The following PPP1R3F variants were observed in gnomAD, a reference collection of about 807,000 sequenced individuals.
PPP1R3F encodes protein phosphatase 1 regulatory subunit 3F.
PPP1R3F carries 29 observed loss-of-function variants against 24.2 expected under a neutral mutation model. The ratio of observed to expected loss-of-function variants is 1.20; its 90% confidence interval spans 0.89 to 1.63. The LOEUF is 1.63. Among genes scored for constraint, PPP1R3F ranks in the 40% most tolerant of loss-of-function variants. The pLI is 0.00. For missense variants in PPP1R3F, 823 were observed against 729.3 expected, an observed-to-expected ratio of 1.13 and a Z score of -1.48; for synonymous variants, 363 against 340.1, an observed-to-expected ratio of 1.07 and a Z score of -0.74.
At chrX:49,277,161 CTG>C (rs1163896757) in intron 1 of PPP1R3F, among the ~76,000 whole-genome samples, 2 of 113,162 alleles carry the variant, frequency 1.8e-5, no homozygotes, top group East Asian at 2.8e-4. Context: ...CTCGCTTACT[CTG>C]TGACTGGCGA....
chrX:49,292,626 A>G (rs889965754), downstream of PPP1R3F, among the ~76,000 whole-genome samples: 2 of 113,046 alleles, frequency 1.8e-5, no homozygotes, highest in Admixed American at 1.9e-4. Context: ...CGCCGGGTCT[A>G]GAAGCTCCAG....
chrX:49,297,187 T>TTATTTATA (rs2066325056), intron 3 of PPP1R3F, among the ~76,000 whole-genome samples: 1 of 81,873 alleles, frequency 1.2e-5, no homozygotes, highest in African/African-American at 6.8e-5. Flanking sequence ...TGCTTTATTT[T>TTATTTATA]TATTTATTTA....
In PPP1R3F at chrX:49,270,888, C is replaced by T. The variant is rs781864679; in HGVS notation, c.1004+15C>T. ...GTGAGGCGCAGGTAATGTCAGCCAG[C>T]GCCACCTCCGCCAACGCAGGGCTGT... On this transcript the variant is annotated intron_variant, in intron 1 of 3. Transcript: ENST00000055335. 4.4e-5 allele frequency: 51 copies of T among 1,154,488 alleles called. No homozygotes were observed. Among genetic ancestry groups the T allele is most frequent in the Non-Finnish European group, 5.7e-5 (49 of 866,368 alleles).
chrX:49,296,159 G>T (rs2066322204), intron 3 of PPP1R3F, among the ~76,000 whole-genome samples: 1 of 111,518 alleles, frequency 9.0e-6, no homozygotes, highest in South Asian at 3.7e-4. Context: ...GGCTTCTTTT[G>T]GTTGGTAGGT....
chrX:49,295,234 C>T (rs1263664163), intron 3 of PPP1R3F, among the ~76,000 whole-genome samples: 1 of 111,383 alleles, frequency 9.0e-6, no homozygotes, highest in Admixed American at 9.5e-5. Context: ...GCAACTGCCT[C>T]CTGGGTTCAA....
Position 49,270,219 on chromosome X carries a change from C to T in PPP1R3F, c.350C>T (p.Pro117Leu). Residue 117 changes from proline (P) to leucine (L), a missense_variant, in exon 1 of 4, where the codon CCC becomes CTC. Pro to Leu is a moderately conservative substitution (Grantham distance 98). Coordinates refer to ENST00000055335, the MANE Select transcript of PPP1R3F (RefSeq NM_033215.5). ...VPAGGGFYLVPTFSLPPAPGR... is the reference protein window; with the variant it reads ...VPAGGGFYLVLTFSLPPAPGR... Reference sequence around the variant, plus strand: ...GCTGGCGGGGGGTTTTACCTGGTCCCCACATTTTCGCTGCCGCCCGCGCCG... The same window carrying T: ...GCTGGCGGGGGGTTTTACCTGGTCCTCACATTTTCGCTGCCGCCCGCGCCG... The T allele has an allele frequency of 1.8e-6, 2 of 1,097,682 alleles. No individual in the cohort carries two copies. The highest frequency in any genetic ancestry group is 1.2e-6 in the Non-Finnish European group (1 of 848,206). 90.5% of individuals were successfully genotyped at this position (1,097,682 alleles called of 1,213,427 possible). A position where few individuals can be genotyped will look rare whatever the true frequency, so the allele number is the denominator to read the frequency against.
Position 49,270,247 on chromosome X carries a change from C to A in PPP1R3F, c.378C>A (p.Gly126=). The part of the protein sequence containing the change: ...VPTFSLPPAP[G]RLERLGRVMV... ...CATTTTCGCTGCCGCCCGCGCCGGG[C>A]CGTCTGGAGCGCTTGGGGCGCGTCA... The change falls in exon 1 of 4, where the codon GGC becomes GGA. Residue 126 remains glycine, a synonymous_variant. Coordinates refer to ENST00000055335, the MANE Select transcript of PPP1R3F (RefSeq NM_033215.5). The A allele has an allele frequency of 9.1e-7, 1 of 1,093,853 alleles. No homozygotes were observed. The allele number at this position is 1,093,853 out of a possible 1,213,427, so 90.1% of individuals were successfully genotyped here. A position where few individuals can be genotyped will look rare whatever the true frequency, so the allele number is the denominator to read the frequency against.
At chrX:49,281,279 C>A in intron 1 of PPP1R3F, 127 bp from the exon 2 acceptor site, 1 of 419,041 alleles carries the variant, frequency 2.4e-6, no homozygotes, top group Non-Finnish European at 4.0e-6. Context: ...ACAAAGGCAG[C>A]AGAAGAGAAA....
chrX:49,290,426 A>G (rs1557122223), downstream of PPP1R3F, among the ~76,000 whole-genome samples: 1 of 110,724 alleles, frequency 9.0e-6, no homozygotes, highest in Admixed American at 9.6e-5. Context: ...CCTCATTCAC[A>G]CCCACAATAG....
In PPP1R3F at chrX:49,270,377, G is replaced by C; in HGVS notation, c.508G>C (p.Val170Leu). 1.7e-6 allele frequency: 2 copies of C among 1,161,583 alleles called. No individual in the cohort carries two copies. The highest frequency in any genetic ancestry group is 1.1e-6 in the Non-Finnish European group (1 of 876,240). Residue 170 changes from valine (V) to leucine (L), a missense_variant, in exon 1 of 4, where the codon GTG becomes CTG. By Grantham distance (32) the Val-to-Leu change is conservative. Coordinates refer to ENST00000055335, the MANE Select transcript of PPP1R3F (RefSeq NM_033215.5). Reference protein sequence around the residue: ...RPPVLRGLVRVLNRSFEKAVH... With the variant: ...RPPVLRGLVRLLNRSFEKAVH... ...GCCGGTGCTGCGCGGGTTGGTACGC[G>C]TGCTGAACCGCTCCTTCGAGAAGGC...
Position 49,286,716 on chromosome X carries a change from G to A in PPP1R3F, c.2026G>A (p.Glu676Lys). The change falls in exon 4 of 4, where the codon GAG (glutamate) becomes AAG (lysine). Residue 676 changes from glutamate to lysine, a missense_variant. Transcript: ENST00000055335. ...GGAGGCCGGGACAGAAGCCCAGATA[G>A]AGGTCACCAGTGAGTGGGCAGGCAG... Reference protein sequence around the residue: ...LGEAGTEAQIEVTSEWAGSLD... With the variant: ...LGEAGTEAQIKVTSEWAGSLD... 1 of 1,208,096 alleles carries A rather than the reference G, an allele frequency of 8.3e-7. No individual in the cohort carries two copies. The highest frequency in any genetic ancestry group is 1.8e-5 in the South Asian group (1 of 56,299).
Position 49,270,730 on chromosome X carries a change from C to T in PPP1R3F, c.861C>T (p.Ile287=), listed in dbSNP as rs1557119074. 7.5e-6 allele frequency: 9 copies of T among 1,205,053 alleles called. No individual in the cohort carries two copies. Among genetic ancestry groups the T allele is most frequent in the East Asian group, 6.0e-5 (2 of 33,414 alleles). The part of the protein sequence containing the change: ...HGRNYTVLLR[I]APAPTPTDAE... ...GCAACTACACAGTCCTGCTCCGGAT[C>T]GCACCCGCTCCCACACCCACTGATG... Residue 287 remains isoleucine, a synonymous_variant, in exon 1 of 4, where the codon ATC becomes ATT. Coordinates refer to ENST00000055335, the MANE Select transcript of PPP1R3F (RefSeq NM_033215.5).
At chrX:49,300,026 G>A (rs1476381666) in intron 3 of PPP1R3F, among the ~76,000 whole-genome samples, 1 of 111,677 alleles carries the variant, frequency 9.0e-6, no homozygotes, top group Non-Finnish European at 1.9e-5. Flanking sequence ...GAACGGTTCT[G>A]TCTTGCTGGC....
chrX:49,297,185 T>TTTTTTTTA (rs1259909208), intron 3 of PPP1R3F, among the ~76,000 whole-genome samples: 12 of 94,061 alleles, frequency 1.3e-4, no homozygotes, highest in Non-Finnish European at 1.9e-4. Flanking sequence ...CTTGCTTTAT[T>TTTTTTTTA]TTTATTTATT....
chrX:49,300,019 C>T (rs905014533), intron 3 of PPP1R3F, among the ~76,000 whole-genome samples: 10 of 111,594 alleles, frequency 9.0e-5, no homozygotes, highest in Middle Eastern at 4.6e-3. Context: ...GTGGAGTGAA[C>T]GGTTCTGTCT....
chrX:49,289,866 C>T (rs782022420), downstream of PPP1R3F, among the ~76,000 whole-genome samples: 7 of 111,188 alleles, frequency 6.3e-5, no homozygotes, highest in African/African-American at 1.3e-4. Context: ...GTCAGGAGTT[C>T]GAGACCAGCC....
In PPP1R3F at chrX:49,270,711, A is replaced by G; in HGVS notation, c.842A>G (p.Tyr281Cys). 8.3e-7 allele frequency: 1 copy of G among 1,208,156 alleles called. No individual in the cohort carries two copies. The highest frequency in any genetic ancestry group is 1.1e-6 in the Non-Finnish European group (1 of 893,788). ...TGGGCCAACAACCACGGCCGCAACT[A>G]CACAGTCCTGCTCCGGATCGCACCC... ...TFWANNHGRN[Y>C]TVLLRIAPAP... The change falls in exon 1 of 4, where the codon TAC (tyrosine) becomes TGC (cysteine). Residue 281 changes from tyrosine (Y) to cysteine (C), a missense_variant. Transcript: ENST00000055335.
chrX:49,270,766 GC>G lies in PPP1R3F; in HGVS notation c.901del (p.Gln301SerfsTer25). 1 of 1,198,892 alleles carries G rather than the reference GC, an allele frequency of 8.3e-7. No homozygotes were observed. Among genetic ancestry groups the G allele is most frequent in the Non-Finnish European group, 1.1e-6 (1 of 889,260 alleles). ...CCACACCCACTGATGCCGAAGGGCT[GC>G]CCCAGCAGCAGCAGCTGCCGCAGCT... ...APTPTDAEGL[P>X]QQQQLPQLEP... On this transcript the variant is annotated frameshift_variant, in exon 1 of 4. Coordinates refer to ENST00000055335, the MANE Select transcript of PPP1R3F (RefSeq NM_033215.5). LOFTEE classifies it high-confidence loss of function.
At chrX:49,294,517 G>A (rs1557122637) in intron 3 of PPP1R3F, among the ~76,000 whole-genome samples, 2 of 110,310 alleles carry the variant, frequency 1.8e-5, no homozygotes, top group Non-Finnish European at 3.8e-5. Context: ...ACTGCAGCTG[G>A]TCAGGCCTTT....
Sources: allele counts gnomAD v4.1 joint callset (sites outside exome capture counted in the v4.1 genomes callset), GRCh38; gene constraint gnomAD v4.1.1; transcripts MANE v1.5; gene names NCBI Gene and HGNC (gene_info 2026-07-23, HGNC 2026-07-21).